Variants in SSBP3 observed in about 807,000 individuals in gnomAD.
The protein encoded by SSBP3 is single stranded DNA binding protein 3.
Under a neutral mutation model 69.6 loss-of-function variants are expected in SSBP3, and 5 were observed. The observed-to-expected ratio is 0.07, with a 90% CI of 0.04 to 0.15. SSBP3 has a LOEUF of 0.15. Among genes scored for constraint, SSBP3 ranks in the 10% least tolerant of loss-of-function variants. The pLI, the probability that SSBP3 is intolerant of heterozygous loss-of-function variation, is 1.00. For synonymous variants in SSBP3, 196 were observed against 193.4 expected (o/e 1.01, Z -0.11); for missense variants, 312 against 534.0 (o/e 0.58, Z 4.10).
intron 4 of SSBP3, among the ~76,000 whole-genome samples, chr1:54,375,718 A>G: frequency 6.6e-6 from 1 of 152,194 alleles, no homozygotes; most frequent in Non-Finnish European, 1.5e-5. Flanking sequence ...GAAGCCATCT[A>G]TGTAAAGTAA....
chr1:54,240,383 G>A (rs1363673772), intron 13 of SSBP3, among the ~76,000 whole-genome samples: 1 of 149,732 alleles, frequency 6.7e-6, no homozygotes, highest in Non-Finnish European at 1.5e-5. Context: ...GCTTGAGCCT[G>A]GGAGGTGGAG....
At chr1:54,253,035 G>A (rs376472051) in intron 7 of SSBP3, among the ~76,000 whole-genome samples, 2 of 152,200 alleles carry the variant, frequency 1.3e-5, no homozygotes, top group African/African-American at 2.4e-5. Flanking sequence ...GGTGGAAAGC[G>A]AAGGGACAGA....
chr1:54,400,714 AC>A (rs1649234754), intron 4 of SSBP3, among the ~76,000 whole-genome samples: 1 of 152,260 alleles, frequency 6.6e-6, no homozygotes, highest in South Asian at 2.1e-4. Context: ...CCAGTAGGCC[AC>A]CACCTGAGTC....
At chr1:54,397,112 G>A (rs1648946993) in intron 4 of SSBP3, among the ~76,000 whole-genome samples, 1 of 152,214 alleles carries the variant, frequency 6.6e-6, no homozygotes, top group East Asian at 1.9e-4. Context: ...TGCCACACAA[G>A]GGTGCCAAGG....
intron 3 of SSBP3, among the ~76,000 whole-genome samples, chr1:54,403,991 G>C (rs894543186): frequency 1.5e-5 from 2 of 134,362 alleles, no homozygotes; most frequent in African/African-American, 5.4e-5. Context: ...AAGGTTCTGC[G>C]TAAAACAACA....
At position 54,280,835 on chromosome 1, in the gene SSBP3, G is replaced by A. The variant is rs117032785; in HGVS notation, c.366+603C>T. On this transcript the variant is annotated intron_variant, in intron 5 of 17. Coordinates refer to ENST00000610401, the Ensembl canonical transcript of SSBP3. ...GTCTCTTGGAGAAGGCCAGACTCTC[G>A]ACCCACGTGGGATCTGTTCCTGCCT... is the stretch of plus-strand genomic sequence containing the variant. Among the ~76,000 whole-genome samples the A allele has an allele frequency of 1.8e-4, 27 of 152,242 alleles. No homozygotes were observed. The East Asian group carries it at 4.8e-3, about 27-fold the overall frequency.
At chr1:54,377,149 A>G (rs926584201) in intron 4 of SSBP3, among the ~76,000 whole-genome samples, 1 of 152,176 alleles carries the variant, frequency 6.6e-6, no homozygotes, top group South Asian at 2.1e-4. Context: ...CAATCAATAA[A>G]TGGGGTGAGG....
intron 4 of SSBP3, among the ~76,000 whole-genome samples, chr1:54,390,674 G>A (rs1206459233): frequency 1.3e-5 from 2 of 152,196 alleles, no homozygotes; most frequent in African/African-American, 2.4e-5. Context: ...TGGCCAATTC[G>A]GAGATAACGT....
chr1:54,283,617 G>A (rs1004305220), intron 4 of SSBP3, among the ~76,000 whole-genome samples: 2 of 152,218 alleles, frequency 1.3e-5, no homozygotes, highest in African/African-American at 4.8e-5. Flanking sequence ...GAATACAGTG[G>A]GTGTTGAGCA....
At chr1:54,338,641 A>G (rs1255117305) in intron 4 of SSBP3, among the ~76,000 whole-genome samples, 1 of 152,254 alleles carries the variant, frequency 6.6e-6, no homozygotes, top group Non-Finnish European at 1.5e-5. Context: ...ATACCCAGGC[A>G]GCCAAGGGAG....
intron 4 of SSBP3, among the ~76,000 whole-genome samples, chr1:54,361,725 C>G (rs939717552): frequency 2.0e-5 from 3 of 152,086 alleles, no homozygotes; most frequent in African/African-American, 7.2e-5. Flanking sequence ...CATCTACAAG[C>G]AGCAGACAGA....
chr1:54,225,477 C>T (rs963225954), exon 18 of SSBP3: 10 of 1,151,274 alleles, frequency 8.7e-6, no homozygotes, highest in East Asian at 3.2e-5. Flanking sequence ...CAACATATAT[C>T]GTACACAAAC....
At chr1:54,329,249 T>C (rs996806732) in intron 4 of SSBP3, among the ~76,000 whole-genome samples, 11 of 152,036 alleles carry the variant, frequency 7.2e-5, no homozygotes, top group Admixed American at 3.9e-4. Context: ...ATGATATACT[T>C]TTTTTAAAGG....
intron 4 of SSBP3, among the ~76,000 whole-genome samples, chr1:54,352,681 G>C (rs10489566): frequency 0.048 from 7,314 of 152,264 alleles, 333 homozygotes; most frequent in East Asian, 0.15. Context: ...CTTGCCGTTT[G>C]ACCATGCGAG....
intron 4 of SSBP3, among the ~76,000 whole-genome samples, chr1:54,379,672 G>C (rs1202187830): frequency 2.0e-5 from 3 of 152,172 alleles, no homozygotes; most frequent in Admixed American, 2.0e-4. Context: ...CATCGGCAGG[G>C]ACAGTAGGAG....
intron 4 of SSBP3, among the ~76,000 whole-genome samples, chr1:54,288,292 C>G (rs747206209): frequency 6.6e-6 from 1 of 152,166 alleles, no homozygotes; most frequent in Non-Finnish European, 1.5e-5. Context: ...CTGATCAGGC[C>G]TTCCTGCCCC....
intron 4 of SSBP3, among the ~76,000 whole-genome samples, chr1:54,307,046 G>A (rs999103164): frequency 1.3e-5 from 2 of 152,102 alleles, no homozygotes; most frequent in Admixed American, 6.5e-5. Flanking sequence ...CCTCCAGGAG[G>A]AAGGCCAGGC....
In SSBP3 at chr1:54,368,782, AC is replaced by A. The variant is rs1647071586; in HGVS notation, c.276+33078del. Among the ~76,000 whole-genome samples the A allele has an allele frequency of 3.3e-5, 5 of 152,194 alleles. No homozygotes were observed. In the South Asian group the frequency reaches 1.0e-3, roughly 32 times the overall value. ...ACTGAAGAGCTGGGAAAGCTGATAG[AC>A]TAAAAAGCACCCTGGATATGGCAGG... is the stretch of plus-strand genomic sequence containing the variant. On this transcript the variant is annotated intron_variant, in intron 4 of 17. Coordinates refer to ENST00000610401, the Ensembl canonical transcript of SSBP3.
chr1:54,315,787 G>C (rs1393332143), intron 4 of SSBP3, among the ~76,000 whole-genome samples: 1 of 151,852 alleles, frequency 6.6e-6, no homozygotes, highest in Non-Finnish European at 1.5e-5. Flanking sequence ...TCTGCCTCCT[G>C]AGTAGCTGAG....
Sources: allele counts gnomAD v4.1 joint callset (sites outside exome capture counted in the v4.1 genomes callset), GRCh38; gene constraint gnomAD v4.1.1; transcripts MANE v1.5; gene names NCBI Gene and HGNC (gene_info 2026-07-23, HGNC 2026-07-21).